MR1: variants seen among roughly 807,000 people sequenced by gnomAD.
MR1 encodes the protein major histocompatibility complex, class I-related.
A neutral mutation model predicts 37.8 loss-of-function variants in MR1; 44 were observed. The observed-to-expected ratio is 1.16, with a 90% CI of 0.91 to 1.50. The LOEUF (loss-of-function observed/expected upper bound fraction) is 1.50, where lower values mean the gene tolerates loss of function less well. Ranked by LOEUF, MR1 falls within the 40% of genes most tolerant of loss-of-function variation. The pLI is 0.00. For synonymous variants in MR1, 153 were observed against 155.8 expected (o/e 0.98, Z 0.13); for missense variants, 386 against 419.1 (o/e 0.92, Z 0.69).
Position 181,055,670 on chromosome 1 carries a change from T to C in MR1, c.*405T>C, listed in dbSNP as rs1260559012. 4.7e-6 allele frequency: 1 copy of C among 211,742 alleles called. No individual in the cohort carries two copies. Among genetic ancestry groups the C allele is most frequent in the African/African-American group, 2.3e-5 (1 of 43,342 alleles). The allele number at this position is 211,742 out of a possible 1,614,324, so 13.1% of individuals were successfully genotyped here. On this transcript the variant is annotated 3_prime_UTR_variant, in exon 6 of 6. Transcript: ENST00000367580. ...GCCTCCAGCCTCCACTTGAACACCA[T>C]GTGAAGGGAACCTCAGTACTTCATA...
chr1:181,054,311 A>G (rs536051078), intron 5 of MR1, among the ~76,000 whole-genome samples: 7 of 152,312 alleles, frequency 4.6e-5, no homozygotes, highest in African/African-American at 1.4e-4. Context: ...ATAACAATGA[A>G]CAAGACAGAT....
intron 2 of MR1, chr1:181,049,657 C>A: frequency 2.0e-6 from 1 of 490,502 alleles, no homozygotes. Flanking sequence ...TAGTGACTTG[C>A]TTATGAGTAT....
rs1034348750 is a variant in MR1 at position 181,045,900 on chromosome 1, C to A, written c.68-3152C>A. 4.6e-5 allele frequency among the ~76,000 whole-genome samples: 7 copies of A among 152,222 alleles called. No homozygotes were observed. The East Asian group carries it at 1.3e-3, about 29-fold the overall frequency. On this transcript the variant is annotated intron_variant, in intron 1 of 5. Transcript: ENST00000367580. ...CGGGCCAGCTGGAGTTCCAAGTGGG[C>A]GTGGGCTTGGCGGGCCCTGCACTGG...
At chr1:181,048,324 A>G (rs1658035641) in intron 1 of MR1, among the ~76,000 whole-genome samples, 2 of 152,088 alleles carry the variant, frequency 1.3e-5, no homozygotes, top group African/African-American at 4.8e-5. Context: ...TCATGAGGTC[A>G]GGAGTTTGAG....
intron 1 of MR1, among the ~76,000 whole-genome samples, chr1:181,047,758 G>C (rs906707423): frequency 6.7e-6 from 1 of 149,554 alleles, no homozygotes; most frequent in South Asian, 2.1e-4. Context: ...AAATTAGCTG[G>C]GCATGGTGGC....
intron 2 of MR1, 131 bp downstream of exon 2, chr1:181,049,443 G>A (rs953298388): frequency 1.7e-6 from 2 of 1,192,002 alleles, no homozygotes; most frequent in Admixed American, 5.4e-5. Flanking sequence ...GAATCAGGTT[G>A]GTGGAGTTCA....
At chr1:181,050,635 A>C (rs971552317) in intron 3 of MR1, 1 of 311,018 alleles carries the variant, frequency 3.2e-6, no homozygotes, top group African/African-American at 2.1e-5. Flanking sequence ...AAGGGCTCAC[A>C]CACCACCAGT....
intron 1 of MR1, among the ~76,000 whole-genome samples, chr1:181,039,881 A>AG (rs1479747568): frequency 2.0e-5 from 3 of 151,226 alleles, no homozygotes; most frequent in African/African-American, 4.9e-5. Context: ...AAAAAAAAAA[A>AG]GAAAAAAGAA....
intron 1 of MR1, among the ~76,000 whole-genome samples, chr1:181,044,281 A>G (rs1657737016): frequency 1.3e-5 from 2 of 151,952 alleles, no homozygotes; most frequent in African/African-American, 2.4e-5. Context: ...TTTCTTAACT[A>G]TATGCTTATA....
Position 181,060,758 on chromosome 1 carries a change from C to G in MR1, c.*5493C>G. ...GATGGTGAAAGCAGTTGCTCCTGAC[C>G]TATTTGCCCACCAGCTTCTCCTCTG... On this transcript the variant is annotated 3_prime_UTR_variant, in exon 6 of 6. Coordinates refer to ENST00000367580, the MANE Select transcript of MR1 (RefSeq NM_001385161.1). 6.6e-6 allele frequency: 1 copy of G among 152,244 alleles called. No individual in the cohort carries two copies. The highest frequency in any genetic ancestry group is 1.9e-4 in the East Asian group (1 of 5,204). The allele number at this position is 152,244 out of a possible 1,614,324, so 9.4% of individuals were successfully genotyped here.
intron 3 of MR1, among the ~76,000 whole-genome samples, chr1:181,051,529 C>G (rs1030563680): frequency 6.6e-6 from 1 of 152,080 alleles, no homozygotes; most frequent in Non-Finnish European, 1.5e-5. Flanking sequence ...CAGTCCCCCC[C>G]AGATAGTGCC....
Position 181,060,853 on chromosome 1 carries a change from T to C in MR1, c.*5588T>C, listed in dbSNP as rs896728496. The C allele has an allele frequency of 2.6e-5, 4 of 152,220 alleles. No individual in the cohort carries two copies. The highest frequency in any genetic ancestry group is 9.6e-5 in the African/African-American group (4 of 41,458). The allele number at this position is 152,220 out of a possible 1,614,324, so 9.4% of individuals were successfully genotyped here. ...AGGTCAAGTTCAACCAGAGGGGAGA[T>C]GCTGATGCCTTTCAGTACTTAAATA... On this transcript the variant is annotated 3_prime_UTR_variant, in exon 6 of 6. Transcript: ENST00000367580.
chr1:181,046,317 C>A (rs1032475611), intron 1 of MR1, among the ~76,000 whole-genome samples: 3 of 152,224 alleles, frequency 2.0e-5, no homozygotes. Context: ...CGTGGAGAAC[C>A]TTTATGTCTA....
chr1:181,043,819 T>G (rs1657701611), intron 1 of MR1, among the ~76,000 whole-genome samples: 1 of 152,086 alleles, frequency 6.6e-6, no homozygotes, highest in Non-Finnish European at 1.5e-5. Flanking sequence ...ACCCTGGCCT[T>G]GGGGTGGTCA....
chr1:181,040,026 C>A lies in MR1; in HGVS notation c.67+5952C>A, dbSNP rs146329814. Among the ~76,000 whole-genome samples the A allele has an allele frequency of 3.8e-3, 586 of 152,256 alleles. 3 individuals are homozygous for A. Among genetic ancestry groups the A allele is most frequent in the Middle Eastern group, 6.8e-3 (2 of 294 alleles). On this transcript the variant is annotated intron_variant, in intron 1 of 5. Coordinates refer to ENST00000367580, the MANE Select transcript of MR1 (RefSeq NM_001385161.1). ...TAAAGGGAACATGATTTAGAACTATCAAGTAGCCATTGCACCTAGCCTAAG... is the reference window on the plus strand; with the variant it reads ...TAAAGGGAACATGATTTAGAACTATAAAGTAGCCATTGCACCTAGCCTAAG...
chr1:181,047,380 C>T (rs548983015), intron 1 of MR1, among the ~76,000 whole-genome samples: 5 of 152,130 alleles, frequency 3.3e-5, no homozygotes, highest in Non-Finnish European at 5.9e-5. Flanking sequence ...GTGGGCAGAT[C>T]ATGAGGTCAG....
At chr1:181,035,919 TCTC>T (rs553954594) in intron 1 of MR1, among the ~76,000 whole-genome samples, 5 of 152,144 alleles carry the variant, frequency 3.3e-5, no homozygotes, top group Non-Finnish European at 5.9e-5. Context: ...TGCTGGCTGT[TCTC>T]CTTCTGACTC....
At chr1:181,036,893 A>G (rs1657302303) in intron 1 of MR1, 1 of 152,248 alleles carries the variant, frequency 6.6e-6, no homozygotes, top group Admixed American at 6.5e-5. Context: ...GAGCTCGGGC[A>G]GTAATAACGA....
chr1:181,038,906 C>A (rs375131885), intron 1 of MR1, among the ~76,000 whole-genome samples: 1 of 152,130 alleles, frequency 6.6e-6, no homozygotes, highest in Non-Finnish European at 1.5e-5. Flanking sequence ...TGGGTTCAAG[C>A]GATTCTCCTG....
Sources: gnomAD v4.1 joint callset for allele counts (sites outside exome capture counted in the v4.1 genomes callset) on GRCh38, gnomAD v4.1.1 for gene constraint, MANE v1.5 for transcripts, NCBI Gene and HGNC (gene_info 2026-07-23, HGNC 2026-07-21) for gene names.